Variants in UGT2A2 observed in about 807,000 individuals in gnomAD.
The protein encoded by UGT2A2 is UDP glucuronosyltransferase family 2 member A2, also known as UDP-glucuronosyltransferase 2A2.
A neutral mutation model predicts 50.7 loss-of-function variants in UGT2A2; 60 were observed. The ratio of observed to expected loss-of-function variants is 1.18; its 90% CI spans 0.96 to 1.47. The LOEUF is 1.47. Among genes scored for constraint, UGT2A2 ranks in the 40% most tolerant of loss-of-function variants. UGT2A2 has a pLI of 0.00. For missense variants in UGT2A2, 762 were observed against 634.0 expected (o/e 1.20, Z -2.17); for synonymous variants, 242 against 214.6 (o/e 1.13, Z -1.11).
rs748946078 is a variant in UGT2A2, at chr4:69,595,251, T to C, written c.1024-2A>G. The stretch of plus-strand genomic sequence containing the variant: ...CTTTCCTTTGTATCTCCATAAAACC[T>C]GTGGAAAATGGTGCTTTAATTTTGC... On this transcript the variant is annotated splice_acceptor_variant, in intron 3 of 5. Coordinates refer to ENST00000604629, the MANE Select transcript of UGT2A2 (RefSeq NM_001105677.2). LOFTEE classifies it high-confidence loss of function. The C allele has an allele frequency of 1.2e-6, 2 of 1,613,326 alleles. No individual in the cohort carries two copies. The highest frequency in any genetic ancestry group is 1.7e-5 in the Admixed American group (1 of 59,886).
intron 1 of UGT2A2, among the ~76,000 whole-genome samples, chr4:69,627,491 T>C (rs1447191203): frequency 2.3e-5 from 3 of 129,238 alleles, no homozygotes; most frequent in Non-Finnish European, 4.7e-5. Flanking sequence ...CAGGCAGGCA[T>C]GCAGGAAGGA....
At chr4:69,605,318 A>T (rs1359303924) in intron 1 of UGT2A2, among the ~76,000 whole-genome samples, 1 of 137,084 alleles carries the variant, frequency 7.3e-6, no homozygotes, top group East Asian at 2.1e-4. Context: ...CTCCTGAATG[A>T]CTACTGGGTA....
chr4:69,615,494 T>C (rs1720325283), intron 1 of UGT2A2, among the ~76,000 whole-genome samples: 2 of 152,064 alleles, frequency 1.3e-5, no homozygotes, highest in East Asian at 1.9e-4. Context: ...GATTGATAAG[T>C]AGAATATATC....
At chr4:69,618,950 T>C (rs1720574574) in intron 1 of UGT2A2, among the ~76,000 whole-genome samples, 1 of 151,906 alleles carries the variant, frequency 6.6e-6, no homozygotes, top group Non-Finnish European at 1.5e-5. Flanking sequence ...AAAGATGTTG[T>C]TTAACATACT....
chr4:69,597,211 T>A (rs1039897118), intron 2 of UGT2A2, among the ~76,000 whole-genome samples: 5 of 152,200 alleles, frequency 3.3e-5, no homozygotes, highest in African/African-American at 7.2e-5. Flanking sequence ...AAATGGCATC[T>A]AATTGTAACA....
intron 1 of UGT2A2, chr4:69,635,944 G>A (rs1372818290): frequency 6.6e-6 from 1 of 151,462 alleles, no homozygotes; most frequent in Non-Finnish European, 1.5e-5. Flanking sequence ...TTCACTTCTG[G>A]ATATGAGTAG....
chr4:69,630,687 T>G (rs1721332474), intron 1 of UGT2A2, among the ~76,000 whole-genome samples: 3 of 152,086 alleles, frequency 2.0e-5, no homozygotes, highest in African/African-American at 7.2e-5. Context: ...AAAAACCATT[T>G]ATTATAGCCA....
At chr4:69,617,101 A>C (rs1462113987) in intron 1 of UGT2A2, among the ~76,000 whole-genome samples, 1 of 151,936 alleles carries the variant, frequency 6.6e-6, no homozygotes, top group Non-Finnish European at 1.5e-5. Context: ...TGTAAAATAA[A>C]GTTAGAATTA....
At chr4:69,595,093 T>A (rs1204020361) in intron 4 of UGT2A2, 69 bp downstream of exon 4, 1 of 1,548,236 alleles carries the variant, frequency 6.5e-7, no homozygotes, top group Non-Finnish European at 8.9e-7. Flanking sequence ...TTGAATTTAT[T>A]TGCTATTAAA....
chr4:69,625,119 C>T (rs1307902472), intron 1 of UGT2A2, among the ~76,000 whole-genome samples: 2 of 150,752 alleles, frequency 1.3e-5, no homozygotes, highest in African/African-American at 4.9e-5. Flanking sequence ...GGTGTAATTG[C>T]TGTTTTGTAG....
chr4:69,609,444 C>G (rs1296865865), intron 1 of UGT2A2, among the ~76,000 whole-genome samples: 1 of 151,928 alleles, frequency 6.6e-6, no homozygotes, highest in Non-Finnish European at 1.5e-5. Flanking sequence ...AAGTGATATA[C>G]CTTGGCCTCC....
At position 69,589,379 on chromosome 4, in the gene UGT2A2, CT is replaced by C. The variant is rs1446970084; in HGVS notation, c.1603del (p.Arg535GlufsTer57). On this transcript the variant is annotated frameshift_variant, in exon 6 of 6. Transcript: ENST00000604629. LOFTEE classifies it high-confidence loss of function. ...KFGKIGKKKK[R>X]E ...TTTCCTCTTTTTCTTGACCTATTCTCTTTTTTTCTTCTTTCCTATCTTACCA... is the reference window on the plus strand; with the variant it reads ...TTTCCTCTTTTTCTTGACCTATTCTCTTTTTTCTTCTTTCCTATCTTACCA... 2 of 1,610,844 alleles carry C rather than the reference CT, an allele frequency of 1.2e-6. No homozygotes were observed. Among genetic ancestry groups the C allele is most frequent in the East Asian group, 2.2e-5 (1 of 44,858 alleles).
chr4:69,610,663 T>C (rs912375845), intron 1 of UGT2A2, among the ~76,000 whole-genome samples: 1 of 152,120 alleles, frequency 6.6e-6, no homozygotes, highest in Non-Finnish European at 1.5e-5. Flanking sequence ...CTCTAATCCA[T>C]TATGACTAGT....
intron 1 of UGT2A2, chr4:69,603,702 C>T (rs1719433685): frequency 7.4e-6 from 1 of 135,740 alleles, no homozygotes; most frequent in African/African-American, 3.0e-5. Context: ...CTAGAATCAC[C>T]AATGAAGAAA....
chr4:69,594,423 A>G, intron 5 of UGT2A2, 54 bp downstream of exon 5: 1 of 1,587,742 alleles, frequency 6.3e-7, no homozygotes, highest in Non-Finnish European at 8.6e-7. Context: ...ATTTTCTGGT[A>G]TTATGAATAA....
intron 1 of UGT2A2, among the ~76,000 whole-genome samples, chr4:69,607,508 G>T (rs1719716652): frequency 1.3e-5 from 2 of 151,662 alleles, no homozygotes; most frequent in Non-Finnish European, 2.9e-5. Flanking sequence ...CATAGGCATG[G>T]GCAAGGACTT....
chr4:69,599,994 G>A (rs1326242415), intron 1 of UGT2A2, among the ~76,000 whole-genome samples: 1 of 152,104 alleles, frequency 6.6e-6, no homozygotes, highest in Non-Finnish European at 1.5e-5. Flanking sequence ...ACAATATAGT[G>A]AATAGAGAGA....
At chr4:69,598,099 T>C (rs1442694383) in intron 2 of UGT2A2, among the ~76,000 whole-genome samples, 1 of 152,166 alleles carries the variant, frequency 6.6e-6, no homozygotes, top group Non-Finnish European at 1.5e-5. Context: ...TCTGTGTCTT[T>C]ATTTAGATAT....
At chr4:69,596,477 T>C (rs1718940653) in intron 2 of UGT2A2, 96 bp from the exon 3 acceptor site, 3 of 1,351,644 alleles carry the variant, frequency 2.2e-6, no homozygotes, top group Non-Finnish European at 2.9e-6. Context: ...AAGATATATG[T>C]CAGAGAAACT....
Sources: gnomAD v4.1 joint callset for allele counts (sites outside exome capture counted in the v4.1 genomes callset) on GRCh38, gnomAD v4.1.1 for gene constraint, MANE v1.5 for transcripts, NCBI Gene and HGNC (gene_info 2026-07-23, HGNC 2026-07-21) for gene names.